NMNAT3: variants seen among roughly 807,000 people sequenced by gnomAD.
NMNAT3 encodes nicotinamide nucleotide adenylyltransferase 3.
In NMNAT3, 21 loss-of-function variants were observed where a neutral mutation model predicts 24.8. The observed-to-expected ratio is 0.85, with a 90% CI of 0.60 to 1.22. NMNAT3 has a LOEUF of 1.22. Ranked by LOEUF, NMNAT3 falls within the 50% of genes most tolerant of loss-of-function variation. The probability of loss-of-function intolerance (pLI) is 0.00; values close to 1 mark genes in which losing one functional copy is unlikely to be tolerated. For missense variants in NMNAT3, 387 were observed against 436.6 expected (o/e 0.89, Z 1.01); for synonymous variants, 136 against 155.2 (o/e 0.88, Z 0.92).
intron 5 of NMNAT3, among the ~76,000 whole-genome samples, chr3:139,575,355 CAT>C (rs1346763264): frequency 6.6e-6 from 1 of 152,162 alleles, no homozygotes; most frequent in East Asian, 1.9e-4. Context: ...CTTGGATTGG[CAT>C]GGGCTCTCAC....
At chr3:139,675,592 T>C (rs997522729) in intron 1 of NMNAT3, among the ~76,000 whole-genome samples, 2 of 152,204 alleles carry the variant, frequency 1.3e-5, no homozygotes, top group Non-Finnish European at 2.9e-5. Context: ...TCTTGCTTTA[T>C]GGCAAAACCA....
At chr3:139,645,909 ACATTGTAATAGAAT>A (rs919046767) in intron 1 of NMNAT3, among the ~76,000 whole-genome samples, 66 of 152,350 alleles carry the variant, frequency 4.3e-4, no homozygotes, top group African/African-American at 1.4e-3. Context: ...TAAAGAATAA[ACATTGTAATAGAAT>A]CATCAAAAGT....
At chr3:139,629,836 C>T (rs180810091) in intron 2 of NMNAT3, among the ~76,000 whole-genome samples, 203 of 152,294 alleles carry the variant, frequency 1.3e-3, no homozygotes, top group African/African-American at 4.5e-3. Context: ...CAGAAAACCC[C>T]CCGGCACATC....
chr3:139,611,424 T>C (rs1027402557), intron 3 of NMNAT3, among the ~76,000 whole-genome samples: 3 of 152,204 alleles, frequency 2.0e-5, no homozygotes, highest in Non-Finnish European at 4.4e-5. Context: ...TTATTCCTAA[T>C]TCACAATTGA....
chr3:139,646,562 CCT>C (rs1404138496), intron 1 of NMNAT3, among the ~76,000 whole-genome samples: 1 of 152,196 alleles, frequency 6.6e-6, no homozygotes, highest in Non-Finnish European at 1.5e-5. Flanking sequence ...ATGTTCTCTA[CCT>C]GCCTGGTCTG....
chr3:139,650,111 A>T (rs192110054), intron 1 of NMNAT3, among the ~76,000 whole-genome samples: 1 of 152,340 alleles, frequency 6.6e-6, no homozygotes, highest in Admixed American at 6.5e-5. Context: ...ACAGGTCTCT[A>T]CAAATACTTC....
chr3:139,625,697 A>C (rs1420299796), intron 3 of NMNAT3, among the ~76,000 whole-genome samples: 1 of 152,180 alleles, frequency 6.6e-6, no homozygotes, highest in East Asian at 1.9e-4. Context: ...AAGAAAATCA[A>C]TAAGAAATCT....
intron 3 of NMNAT3, among the ~76,000 whole-genome samples, chr3:139,627,002 G>T (rs2056082571): frequency 1.3e-5 from 2 of 151,858 alleles, no homozygotes; most frequent in African/African-American, 4.8e-5. Flanking sequence ...ATATTCTTTA[G>T]AAACAATCAT....
chr3:139,661,707 T>C (rs1347820635), intron 1 of NMNAT3, among the ~76,000 whole-genome samples: 1 of 152,088 alleles, frequency 6.6e-6, no homozygotes, highest in Non-Finnish European at 1.5e-5. Flanking sequence ...AACAGTATAA[T>C]AAACTGCCAC....
At chr3:139,644,124 G>A (rs1379260790) in intron 1 of NMNAT3, among the ~76,000 whole-genome samples, 3 of 152,156 alleles carry the variant, frequency 2.0e-5, no homozygotes, top group Non-Finnish European at 2.9e-5. Flanking sequence ...AATTATGTAA[G>A]CCAACAAATA....
chr3:139,658,740 A>G (rs2057323278), intron 1 of NMNAT3, among the ~76,000 whole-genome samples: 1 of 152,228 alleles, frequency 6.6e-6, no homozygotes, highest in Non-Finnish European at 1.5e-5. Flanking sequence ...CATGCATGTT[A>G]TTAACCAGAA....
rs61403161 is a variant in NMNAT3, at chr3:139,669,478, G to GAAA, written c.-141+8224_-141+8226dup. Among the ~76,000 whole-genome samples the GAAA allele has an allele frequency of 4.3e-3, 252 of 59,270 alleles. 8 individuals carry two copies. The highest frequency in any genetic ancestry group is 4.8e-3 in the Non-Finnish European group (162 of 33,884). 38.9% of individuals were successfully genotyped at this position (59,270 alleles called of 152,430 possible). ...GGCAACAGAGTGAGACCCTGTCTCA[G>GAAA]AAAAAAAAAAAAAAAAAAAAAAAAG... On this transcript the variant is annotated intron_variant, in intron 1 of 6. Coordinates refer to ENST00000643695, the MANE Select transcript of NMNAT3 (RefSeq NM_001320510.2).
chr3:139,576,454 C>T (rs1387619949), intron 5 of NMNAT3, among the ~76,000 whole-genome samples: 2 of 152,136 alleles, frequency 1.3e-5, no homozygotes, highest in Admixed American at 6.5e-5. Context: ...TTAGAGCCCA[C>T]CCCTGACAAA....
At chr3:139,565,991 C>CT (rs1937133121) in intron 6 of NMNAT3, 2 of 152,122 alleles carry the variant, frequency 1.3e-5, no homozygotes, top group Admixed American at 1.3e-4. Context: ...GTGTAAAATT[C>CT]TCCCTATTTC....
chr3:139,631,458 A>G (rs1253185405), intron 2 of NMNAT3, among the ~76,000 whole-genome samples: 1 of 152,156 alleles, frequency 6.6e-6, no homozygotes, highest in Non-Finnish European at 1.5e-5. Flanking sequence ...AATAATATCT[A>G]GTGAGACGGA....
At chr3:139,673,878 C>T (rs1203708677) in intron 1 of NMNAT3, among the ~76,000 whole-genome samples, 1 of 151,896 alleles carries the variant, frequency 6.6e-6, no homozygotes, top group Non-Finnish European at 1.5e-5. Context: ...TGCTCACAGC[C>T]AAGCAGAGGA....
At chr3:139,611,091 T>C (rs2055191850) in intron 3 of NMNAT3, among the ~76,000 whole-genome samples, 1 of 152,178 alleles carries the variant, frequency 6.6e-6, no homozygotes, top group South Asian at 2.1e-4. Flanking sequence ...TTGTTATCTT[T>C]ACGATGCAAT....
chr3:139,671,375 T>C (rs1428202701), intron 1 of NMNAT3, among the ~76,000 whole-genome samples: 1 of 152,218 alleles, frequency 6.6e-6, no homozygotes, highest in African/African-American at 2.4e-5. Context: ...CTATACTGTA[T>C]ATTCAGATCA....
chr3:139,641,387 T>C (rs1373914159), intron 1 of NMNAT3, among the ~76,000 whole-genome samples: 1 of 152,248 alleles, frequency 6.6e-6, no homozygotes, highest in Non-Finnish European at 1.5e-5. Context: ...GCCATTGTGA[T>C]ACATGTTGAT....
Sources: gnomAD v4.1 joint callset for allele counts (sites outside exome capture counted in the v4.1 genomes callset) on GRCh38, gnomAD v4.1.1 for gene constraint, MANE v1.5 for transcripts, NCBI Gene and HGNC (gene_info 2026-07-23, HGNC 2026-07-21) for gene names.